Variants in SERGEF observed in about 807,000 individuals in gnomAD.
SERGEF encodes secretion regulating guanine nucleotide exchange factor, also known as secretion-regulating guanine nucleotide exchange factor.
In SERGEF, 51 loss-of-function variants were observed where a neutral mutation model predicts 50.0. The ratio of observed to expected loss-of-function variants is 1.02; its 90% CI spans 0.81 to 1.29. SERGEF has a LOEUF of 1.29. Ranked by LOEUF, SERGEF falls within the 50% of genes most tolerant of loss-of-function variation. The pLI, the probability that SERGEF is intolerant of heterozygous loss-of-function variation, is 0.00. For synonymous variants in SERGEF, 205 were observed against 212.4 expected (o/e 0.97, Z 0.30); for missense variants, 521 against 557.0 (o/e 0.94, Z 0.65).
At chr11:17,942,386 TA>T (rs1195215697) in intron 9 of SERGEF, among the ~76,000 whole-genome samples, 3 of 152,130 alleles carry the variant, frequency 2.0e-5, no homozygotes, top group African/African-American at 4.8e-5. Context: ...ATTATAATCG[TA>T]AAAAAACTGC....
chr11:17,802,901 C>T (rs1158745705), intron 10 of SERGEF, among the ~76,000 whole-genome samples: 1 of 152,204 alleles, frequency 6.6e-6, no homozygotes, highest in Admixed American at 6.5e-5. Context: ...TGTCTGTTTC[C>T]CCACCAGAAT....
chr11:17,934,329 C>T (rs560039797), intron 9 of SERGEF, among the ~76,000 whole-genome samples: 1 of 152,270 alleles, frequency 6.6e-6, no homozygotes. Flanking sequence ...TTCAAACAAG[C>T]TAAACCACCC....
intron 9 of SERGEF, among the ~76,000 whole-genome samples, chr11:17,934,380 T>A (rs1191297421): frequency 6.6e-6 from 1 of 152,212 alleles, no homozygotes; most frequent in African/African-American, 2.4e-5. Flanking sequence ...AATATTAGCT[T>A]GTTTCCCAGC....
chr11:17,919,454 G>A (rs1291668732), intron 9 of SERGEF, among the ~76,000 whole-genome samples: 2 of 152,062 alleles, frequency 1.3e-5, no homozygotes, highest in African/African-American at 4.8e-5. Flanking sequence ...GAGAGAGATG[G>A]TTACAGAACA....
intron 9 of SERGEF, among the ~76,000 whole-genome samples, chr11:17,922,726 T>C (rs960980353): frequency 1.3e-5 from 2 of 152,232 alleles, no homozygotes; most frequent in Non-Finnish European, 2.9e-5. Context: ...ACTGTATGAC[T>C]TGCAGTCTCA....
intron 1 of SERGEF, chr11:18,010,083 G>C: frequency 8.1e-7 from 1 of 1,232,430 alleles, no homozygotes; most frequent in Middle Eastern, 2.2e-4. Context: ...ACTCCTAGCT[G>C]GTTCTTCCTG....
chr11:17,820,783 G>A (rs1380213880), intron 10 of SERGEF, among the ~76,000 whole-genome samples: 4 of 152,154 alleles, frequency 2.6e-5, no homozygotes, highest in African/African-American at 7.2e-5. Flanking sequence ...TTATCTGAGT[G>A]AGCCTAAATG....
intron 9 of SERGEF, among the ~76,000 whole-genome samples, chr11:17,903,496 G>A (rs1176200933): frequency 6.6e-6 from 1 of 152,180 alleles, no homozygotes; most frequent in East Asian, 1.9e-4. Flanking sequence ...TTCTGACAAG[G>A]TTACCCTAGA....
intron 9 of SERGEF, among the ~76,000 whole-genome samples, chr11:17,919,538 GAC>G (rs1852114899): frequency 6.6e-6 from 1 of 152,184 alleles, no homozygotes; most frequent in South Asian, 2.1e-4. Context: ...CTGGGTAACA[GAC>G]TCCAAACCAT....
chr11:17,889,542 C>G (rs1851494744), intron 9 of SERGEF, among the ~76,000 whole-genome samples: 1 of 152,146 alleles, frequency 6.6e-6, no homozygotes, highest in African/African-American at 2.4e-5. Flanking sequence ...TAAAGAAAAG[C>G]TATTCCAGAA....
At chr11:17,930,288 A>G (rs961245813) in intron 9 of SERGEF, among the ~76,000 whole-genome samples, 7 of 152,204 alleles carry the variant, frequency 4.6e-5, no homozygotes, top group Admixed American at 3.9e-4. Context: ...CAACTTGCCT[A>G]TAGTTACGAA....
intron 10 of SERGEF, among the ~76,000 whole-genome samples, chr11:17,828,155 G>A (rs529119230): frequency 6.6e-6 from 1 of 152,170 alleles, no homozygotes; most frequent in Non-Finnish European, 1.5e-5. Flanking sequence ...CTCTCAAAAC[G>A]TGTCTGTATC....
At chr11:17,869,252 A>T (rs953571155) in intron 10 of SERGEF, among the ~76,000 whole-genome samples, 1 of 152,260 alleles carries the variant, frequency 6.6e-6, no homozygotes, top group African/African-American at 2.4e-5. Flanking sequence ...TTGCATGACA[A>T]AATATTACAG....
chr11:17,882,418 CAA>C (rs770460948), intron 9 of SERGEF, among the ~76,000 whole-genome samples: 3 of 68,178 alleles, frequency 4.4e-5, no homozygotes, highest in Admixed American at 1.8e-4. Context: ...GAGTCAGTCT[CAA>C]AAAAAAAAAA....
intron 10 of SERGEF, among the ~76,000 whole-genome samples, chr11:17,853,161 G>C (rs992084144): frequency 1.3e-5 from 2 of 151,872 alleles, no homozygotes; most frequent in African/African-American, 4.8e-5. Flanking sequence ...GCAAACAATA[G>C]TACCCACTTC....
chr11:17,816,672 C>T (rs774355628), intron 10 of SERGEF, among the ~76,000 whole-genome samples: 1 of 152,214 alleles, frequency 6.6e-6, no homozygotes, highest in Non-Finnish European at 1.5e-5. Context: ...CAGTCCTGGC[C>T]AGCCACCCCA....
chr11:17,793,936 A>G (rs1219662619), intron 10 of SERGEF, among the ~76,000 whole-genome samples: 3 of 152,228 alleles, frequency 2.0e-5, no homozygotes, highest in Non-Finnish European at 4.4e-5. Flanking sequence ...CCCTGGCACA[A>G]GCTGGACACA....
chr11:17,911,019 A>G (rs771437240), intron 9 of SERGEF, among the ~76,000 whole-genome samples: 8 of 152,206 alleles, frequency 5.3e-5, no homozygotes, highest in Non-Finnish European at 1.0e-4. Flanking sequence ...CTGTGGCAAC[A>G]TTCATTCAAC....
At chr11:17,812,933 C>A (rs761007580) in intron 10 of SERGEF, among the ~76,000 whole-genome samples, 7 of 152,206 alleles carry the variant, frequency 4.6e-5, no homozygotes, top group Non-Finnish European at 8.8e-5. Context: ...GCTTGGAGAG[C>A]GTGAAGGCAA....
Sources: allele counts gnomAD v4.1 joint callset (sites outside exome capture counted in the v4.1 genomes callset), GRCh38; gene constraint gnomAD v4.1.1; transcripts MANE v1.5; gene names NCBI Gene and HGNC (gene_info 2026-07-23, HGNC 2026-07-21).